CCNF: variants seen among roughly 807,000 people sequenced by gnomAD.
The protein encoded by CCNF is cyclin F, also known as cyclin-F.
CCNF carries 30 observed loss-of-function variants against 85.4 expected under a neutral mutation model. That is an observed-to-expected ratio of 0.35 (90% CI 0.26 to 0.48). The LOEUF is 0.48. Ranked by LOEUF, CCNF falls within the 20% of genes least tolerant of loss-of-function variation. The probability of loss-of-function intolerance (pLI) is 0.99; values close to 1 mark genes in which losing one functional copy is unlikely to be tolerated. For synonymous variants in CCNF, 439 were observed against 425.1 expected (o/e 1.03, Z -0.40); for missense variants, 919 against 1,010.4 (o/e 0.91, Z 1.23).
At chr16:2,435,902 C>A in intron 4 of CCNF, 29 bp downstream of exon 4, 1 of 1,531,848 alleles carries the variant, frequency 6.5e-7, no homozygotes, top group South Asian at 1.1e-5. Context: ...TGCATGTTGG[C>A]GCTTCAGATA....
chr16:2,430,567 G>T (rs2065257341), intron 1 of CCNF, among the ~76,000 whole-genome samples: 1 of 152,102 alleles, frequency 6.6e-6, no homozygotes, highest in Non-Finnish European at 1.5e-5. Flanking sequence ...CTACAATAGA[G>T]GGCACACTGA....
chr16:2,453,253 ACCG>A lies in CCNF; in HGVS notation c.1535_1537del (p.Ala512del). 1 of 1,613,732 alleles carries A rather than the reference ACCG, an allele frequency of 6.2e-7. No individual in the cohort carries two copies. The highest frequency in any genetic ancestry group is 8.5e-7 in the Non-Finnish European group (1 of 1,179,988). ...CAAGGACTACAGGCAAGTCTCTCTGACCGCCGTGAAGCAGCGGTTTGAGGACAA... is the reference window on the plus strand; with the variant it reads ...CAAGGACTACAGGCAAGTCTCTCTGACCGTGAAGCAGCGGTTTGAGGACAA... On this transcript the variant is annotated inframe_deletion, in exon 14 of 17. Transcript: ENST00000397066. The surrounding 1 kb of genome is among the most constrained non-coding windows in gnomAD (Gnocchi z 5.6).
chr16:2,440,434 C>G (rs796460904), intron 8 of CCNF, among the ~76,000 whole-genome samples: 77 of 152,172 alleles, frequency 5.1e-4, no homozygotes, highest in African/African-American at 1.7e-3. Context: ...GCCTGGCCAA[C>G]ATGGTGAAAC....
At chr16:2,442,902 A>G (rs1157790682) in intron 8 of CCNF, among the ~76,000 whole-genome samples, 1 of 87,158 alleles carries the variant, frequency 1.1e-5, no homozygotes, top group Non-Finnish European at 2.0e-5. Context: ...TATATATTAT[A>G]TAATATATAA....
intron 8 of CCNF, among the ~76,000 whole-genome samples, chr16:2,441,040 T>C (rs1213529177): frequency 6.6e-6 from 1 of 151,416 alleles, no homozygotes; most frequent in East Asian, 2.0e-4. Flanking sequence ...GAGACCACCC[T>C]GGCCAATGTG....
Position 2,453,372 on chromosome 16 carries a change from C to CG in CCNF, c.1588-34dup. The CG allele has an allele frequency of 6.2e-7, 1 of 1,613,722 alleles. No individual in the cohort carries two copies. The highest frequency in any genetic ancestry group is 8.5e-7 in the Non-Finnish European group (1 of 1,179,878). On this transcript the variant is annotated intron_variant, in intron 14 of 16. Coordinates refer to ENST00000397066, the MANE Select transcript of CCNF (RefSeq NM_001761.3). The surrounding 1 kb of genome is among the most constrained non-coding windows in gnomAD (Gnocchi z 5.6). The stretch of plus-strand genomic sequence containing the variant: ...CTGGGGTGTGGGCGGGCCTCACCCT[C>CG]GGGGCCTCTGCACCCCCTAACTCTA...
rs373872375 is a variant in CCNF, at chr16:2,456,577, G to A, written c.1918G>A (p.Val640Met). 34 of 1,560,636 alleles carry A rather than the reference G, an allele frequency of 2.2e-5. No homozygotes were observed. Among genetic ancestry groups the A allele is most frequent in the Non-Finnish European group, 2.3e-5 (27 of 1,154,934 alleles). Residue 640 changes from valine to methionine, a missense_variant, in exon 17 of 17, where the codon GTG becomes ATG. Transcript: ENST00000397066. The surrounding 1 kb of genome is among the most constrained non-coding windows in gnomAD (Gnocchi z 4.5). The part of the protein sequence containing the change: ...TAPSGILDVT[V>M]VYLNPEQHCC... ...TCCCAGCGGCATCCTCGATGTCACC[G>A]TGGTCTACCTGAACCCAGAACAGCA...
chr16:2,440,599 A>G (rs1407380709), intron 8 of CCNF, among the ~76,000 whole-genome samples: 2 of 151,640 alleles, frequency 1.3e-5, no homozygotes, highest in Non-Finnish European at 2.9e-5. Flanking sequence ...TGTCTGAAGG[A>G]AAAAAAAAGT....
At chr16:2,455,154 G>A (rs537990831) in intron 15 of CCNF, among the ~76,000 whole-genome samples, 21 of 151,890 alleles carry the variant, frequency 1.4e-4, no homozygotes, top group Non-Finnish European at 2.2e-4. Flanking sequence ...CAGCTGAGCC[G>A]GGTGGGCTGG....
chr16:2,450,059 T>C (rs2065385884), intron 13 of CCNF, 144 bp downstream of exon 13: 2 of 649,500 alleles, frequency 3.1e-6, no homozygotes, highest in Non-Finnish European at 5.6e-6. Context: ...ATACAAAAAT[T>C]AGCCAGGCGT....
At position 2,456,653 on chromosome 16, in the gene CCNF, C is replaced by T. The variant is rs2141833608; in HGVS notation, c.1994C>T (p.Pro665Leu). The T allele has an allele frequency of 1.2e-6, 2 of 1,613,346 alleles. No individual in the cohort carries two copies. The highest frequency in any genetic ancestry group is 1.7e-6 in the Non-Finnish European group (2 of 1,179,802). The part of the protein sequence containing the change: ...DEEACPEDKG[P>L]QDPQALALDT... ...GAGGCTTGTCCAGAGGACAAGGGAC[C>T]CCAGGACCCACAGGCACTGGCGCTG... is the stretch of plus-strand genomic sequence containing the variant. Residue 665 changes from proline (P) to leucine (L), a missense_variant, in exon 17 of 17, where the codon CCC becomes CTC. By Grantham distance (98) the Pro-to-Leu change is moderately conservative. Around this residue, in one of 3 missense-constraint regions of CCNF, gnomAD observed 505 missense variants for 514.8 expected, o/e 0.98. Coordinates refer to ENST00000397066, the MANE Select transcript of CCNF (RefSeq NM_001761.3). This position sits in a 1 kb window ranked among gnomAD's most constrained non-coding sequence, Gnocchi z 4.5.
intron 5 of CCNF, 166 bp from the exon 6 acceptor site, chr16:2,437,903 TA>T (rs34068510): frequency 0.1 from 42,041 of 405,190 alleles, no homozygotes; most frequent in Middle Eastern, 0.14. Flanking sequence ...TGTTTCCCTT[TA>T]AAAAAAAAAA....
chr16:2,437,337 G>C lies in CCNF; in HGVS notation c.540+15G>C. The C allele has an allele frequency of 6.4e-7, 1 of 1,562,962 alleles. No homozygotes were observed. Among genetic ancestry groups the C allele is most frequent in the Non-Finnish European group, 8.7e-7 (1 of 1,153,688 alleles). ...AGCTGCAGAGGGTGAGTCTGGGCGA[G>C]GGGCAGCACCTGCGAGGCCACCTGC... On this transcript the variant is annotated intron_variant, in intron 5 of 16. Transcript: ENST00000397066.
At position 2,430,255 on chromosome 16, in the gene CCNF, A is replaced by C. The variant is rs139519274; in HGVS notation, c.16+758A>C. 6.4e-3 allele frequency among the ~76,000 whole-genome samples: 972 copies of C among 152,100 alleles called. 8 individuals carry two copies. The highest frequency in any genetic ancestry group is 9.3e-3 in the Non-Finnish European group (632 of 67,972). On this transcript the variant is annotated intron_variant, in intron 1 of 16. Coordinates refer to ENST00000397066, the MANE Select transcript of CCNF (RefSeq NM_001761.3). The stretch of plus-strand genomic sequence containing the variant: ...GGACTGGAAGGAAGGATGGATAGAA[A>C]GGTAGATTTGTAGATGGGGAGGCAG...
Position 2,452,934 on chromosome 16 carries a change from G to A in CCNF, c.1488-276G>A, listed in dbSNP as rs1464722925. 28 of 496,762 alleles carry A rather than the reference G, an allele frequency of 5.6e-5. No individual in the cohort carries two copies. Among genetic ancestry groups the A allele is most frequent in the Admixed American group, 1.7e-4 (5 of 29,580 alleles). 30.8% of individuals were successfully genotyped at this position (496,762 alleles called of 1,614,324 possible). Reference sequence around the variant, plus strand: ...TGGACCACATGTGTTTATCCATCCCGCAGCTGGTGGACATTTTGCCTATTG... The same window carrying A: ...TGGACCACATGTGTTTATCCATCCCACAGCTGGTGGACATTTTGCCTATTG... On this transcript the variant is annotated intron_variant, in intron 13 of 16. Coordinates refer to ENST00000397066, the MANE Select transcript of CCNF (RefSeq NM_001761.3). This position sits in a 1 kb window ranked among gnomAD's most constrained non-coding sequence, Gnocchi z 4.1.
Position 2,456,236 on chromosome 16 carries a change from G to C in CCNF, c.1886-309G>C, listed in dbSNP as rs765620854. On this transcript the variant is annotated intron_variant, in intron 16 of 16. Transcript: ENST00000397066. The surrounding 1 kb of genome is among the most constrained non-coding windows in gnomAD (Gnocchi z 4.5). ...CACTGCCCTGTGCAAACCCCAGGCA[G>C]ACTGCGGGGTCCTTGCCAGAAGCCC... 4.8e-5 allele frequency: 16 copies of C among 336,298 alleles called. No individual in the cohort carries two copies. Among genetic ancestry groups the C allele is most frequent in the Admixed American group, 9.0e-5 (2 of 22,154 alleles). The allele number at this position is 336,298 out of a possible 1,614,324, so 20.8% of individuals were successfully genotyped here.
chr16:2,451,205 A>G lies in CCNF; in HGVS notation c.1487+1290A>G, dbSNP rs1268125015. 2.6e-5 allele frequency among the ~76,000 whole-genome samples: 4 copies of G among 152,174 alleles called. No homozygotes were observed. The highest frequency in any genetic ancestry group is 1.3e-4 in the Admixed American group (2 of 15,286). On this transcript the variant is annotated intron_variant, in intron 13 of 16. Coordinates refer to ENST00000397066, the MANE Select transcript of CCNF (RefSeq NM_001761.3). This position sits in a 1 kb window ranked among gnomAD's most constrained non-coding sequence, Gnocchi z 4.3. ...AGAGTTCAGAGGTCAGGTCGTGACG[A>G]GAGAAACAGCAGGCAGGCGCGCGGG... is the stretch of plus-strand genomic sequence containing the variant.
rs1449420429 is a variant in CCNF, at chr16:2,456,991, G to A, written c.2332G>A (p.Asp778Asn). Reference sequence around the variant, plus strand: ...CCTATGCATACACAGTGAGGAGGAGGACATGAACCTGGGCCTTGTGAGGCT... The same window carrying A: ...CCTATGCATACACAGTGAGGAGGAGAACATGAACCTGGGCCTTGTGAGGCT... The part of the protein sequence containing the change: ...INLCIHSEEE[D>N]MNLGLVRL Residue 778 changes from aspartate (D) to asparagine (N), a missense_variant, in exon 17 of 17, where the codon GAC becomes AAC. By Grantham distance (23) the Asp-to-Asn change is conservative (BLOSUM62 1). Coordinates refer to ENST00000397066, the MANE Select transcript of CCNF (RefSeq NM_001761.3). The surrounding 1 kb of genome is among the most constrained non-coding windows in gnomAD (Gnocchi z 4.5). 1.3e-6 allele frequency: 2 copies of A among 1,598,832 alleles called. No individual in the cohort carries two copies. Among genetic ancestry groups the A allele is most frequent in the South Asian group, 2.3e-5 (2 of 88,764 alleles).
chr16:2,456,580 G>A lies in CCNF; in HGVS notation c.1921G>A (p.Val641Ile), dbSNP rs757868114. The A allele has an allele frequency of 6.4e-7, 1 of 1,567,796 alleles. No individual in the cohort carries two copies. Among genetic ancestry groups the A allele is most frequent in the East Asian group, 2.3e-5 (1 of 44,438 alleles). The change falls in exon 17 of 17, where the codon GTC (valine) becomes ATC (isoleucine). Residue 641 changes from valine (V) to isoleucine (I), a missense_variant. Coordinates refer to ENST00000397066, the MANE Select transcript of CCNF (RefSeq NM_001761.3). This position sits in a 1 kb window ranked among gnomAD's most constrained non-coding sequence, Gnocchi z 4.5. Reference protein sequence around the residue: ...APSGILDVTVVYLNPEQHCCQ... With the variant: ...APSGILDVTVIYLNPEQHCCQ... ...CAGCGGCATCCTCGATGTCACCGTG[G>A]TCTACCTGAACCCAGAACAGCATTG...
Sources: gnomAD v4.1 joint callset for allele counts (sites outside exome capture counted in the v4.1 genomes callset) on GRCh38, gnomAD v4.1.1 for gene constraint, gnomAD v4.1.1 regional missense constraint, Gnocchi (gnomAD v3.1) non-coding constraint, MANE v1.5 for transcripts, NCBI Gene and HGNC (gene_info 2026-07-23, HGNC 2026-07-21) for gene names.